The following GPC6 variants were observed in gnomAD, a reference collection of about 807,000 sequenced individuals.
GPC6 encodes the protein glypican-6.
GPC6 carries 14 observed loss-of-function variants against 55.2 expected under a neutral mutation model. The ratio of observed to expected loss-of-function variants is 0.25; its 90% CI spans 0.17 to 0.40. The LOEUF (loss-of-function observed/expected upper bound fraction) is 0.40. Among genes scored for constraint, GPC6 ranks in the 10% least tolerant of loss-of-function variants. The pLI is 1.00. For synonymous variants in GPC6, 278 were observed against 259.6 expected, an observed-to-expected ratio of 1.07 and a Z score of -0.68; for missense variants, 641 against 708.5, an observed-to-expected ratio of 0.90 and a Z score of 1.08.
chr13:93,412,870 C>T (rs940752944), intron 1 of GPC6, among the ~76,000 whole-genome samples: 1 of 152,256 alleles, frequency 6.6e-6, no homozygotes, highest in Admixed American at 6.5e-5. Context: ...ATCCTAGTGC[C>T]ACTTTTTACC....
intron 6 of GPC6, among the ~76,000 whole-genome samples, chr13:94,317,016 G>A (rs1876576288): frequency 6.6e-6 from 1 of 152,148 alleles, no homozygotes; most frequent in Admixed American, 6.5e-5. Flanking sequence ...TACAATATCA[G>A]TTAATTTCTG....
chr13:94,390,181 AT>A (rs1320438980), intron 7 of GPC6, among the ~76,000 whole-genome samples: 3 of 152,218 alleles, frequency 2.0e-5, no homozygotes, highest in Non-Finnish European at 2.9e-5. Flanking sequence ...ATGGAAGGAG[AT>A]GGAATGATGC....
intron 2 of GPC6, among the ~76,000 whole-genome samples, chr13:93,792,196 C>T (rs1419802649): frequency 6.6e-6 from 1 of 152,244 alleles, no homozygotes; most frequent in Non-Finnish European, 1.5e-5. Flanking sequence ...GATATTCTCA[C>T]CTCTCAGCGT....
chr13:93,695,203 T>G (rs184391787), intron 2 of GPC6, among the ~76,000 whole-genome samples: 63 of 152,224 alleles, frequency 4.1e-4, no homozygotes, highest in African/African-American at 1.5e-3. Context: ...CCTCCACTTT[T>G]TATTATAAAA....
rs1053209717 is a variant in GPC6 at position 93,453,721 on chromosome 13, C to T, written c.161-91542C>T. On this transcript the variant is annotated intron_variant, in intron 1 of 8. Coordinates refer to ENST00000377047, the MANE Select transcript of GPC6 (RefSeq NM_005708.5). ...TTAAGGCAGTGCGTCTGGAGTTGTT[C>T]GTTCCTCCCGGTGGGCTCGTGGTCT... Among the ~76,000 whole-genome samples, 57 of 151,592 alleles carry T rather than the reference C, an allele frequency of 3.8e-4. 1 individual carries two copies. The highest frequency in any genetic ancestry group is 6.6e-4 in the Admixed American group (10 of 15,214).
intron 6 of GPC6, among the ~76,000 whole-genome samples, chr13:94,376,675 C>T (rs1183853519): frequency 6.6e-6 from 1 of 152,012 alleles, no homozygotes; most frequent in East Asian, 1.9e-4. Context: ...CCAATGACTT[C>T]CTTCACAGAA....
At chr13:93,431,770 C>T (rs1040416025) in intron 1 of GPC6, among the ~76,000 whole-genome samples, 2 of 152,074 alleles carry the variant, frequency 1.3e-5, no homozygotes, top group African/African-American at 2.4e-5. Flanking sequence ...AGATGGACAA[C>T]GTTGGCTTTG....
chr13:93,636,961 G>A (rs540206572), intron 2 of GPC6, among the ~76,000 whole-genome samples: 2 of 150,466 alleles, frequency 1.3e-5, no homozygotes, highest in Admixed American at 1.3e-4. Context: ...TCTTAGTGGA[G>A]CACATTTTCA....
chr13:93,322,124 A>C (rs1253771262), intron 1 of GPC6, among the ~76,000 whole-genome samples: 1 of 152,198 alleles, frequency 6.6e-6, no homozygotes, highest in Non-Finnish European at 1.5e-5. Context: ...GAAAACGTTG[A>C]CTTGCTACCA....
chr13:93,678,385 G>A (rs1307928289), intron 2 of GPC6, among the ~76,000 whole-genome samples: 1 of 152,136 alleles, frequency 6.6e-6, no homozygotes, highest in East Asian at 1.9e-4. Flanking sequence ...ACACAATGTT[G>A]TATGTGAGCG....
chr13:94,100,313 T>C (rs1274435968), intron 4 of GPC6, among the ~76,000 whole-genome samples: 1 of 152,190 alleles, frequency 6.6e-6, no homozygotes, highest in Non-Finnish European at 1.5e-5. Context: ...AGTAGCTGTA[T>C]GAAATTTTTG....
At chr13:94,128,904 CT>C (rs1169958532) in intron 4 of GPC6, among the ~76,000 whole-genome samples, 2 of 152,108 alleles carry the variant, frequency 1.3e-5, no homozygotes, top group Non-Finnish European at 1.5e-5. Context: ...TCCATAACTA[CT>C]TTTTTCCACA....
At chr13:93,733,032 C>A (rs1413875184) in intron 2 of GPC6, among the ~76,000 whole-genome samples, 3 of 151,998 alleles carry the variant, frequency 2.0e-5, no homozygotes, top group Admixed American at 6.6e-5. Context: ...TTGCACAGGG[C>A]AGACTAAAGC....
Position 93,830,637 on chromosome 13 carries a change from AAC to A in GPC6, c.711+93_711+94del, listed in dbSNP as rs1491392916. 6 of 1,123,252 alleles carry A rather than the reference AAC, an allele frequency of 5.3e-6. No homozygotes were observed. In the African/African-American group the frequency reaches 6.5e-5, roughly 12 times the overall value. The allele number at this position is 1,123,252 out of a possible 1,614,324, so 69.6% of individuals were successfully genotyped here. A position where few individuals can be genotyped will look rare whatever the true frequency, so the allele number is the denominator to read the frequency against. ...TAAAAAAAAAAAAAAAAAAAAAAAA[AAC>A]CAAGGTAAAAATTCTTAATTGGTGG... On this transcript the variant is annotated intron_variant, in intron 3 of 8. Transcript: ENST00000377047.
intron 2 of GPC6, among the ~76,000 whole-genome samples, chr13:93,719,934 G>A (rs914991855): frequency 2.6e-5 from 4 of 151,982 alleles, no homozygotes; most frequent in Non-Finnish European, 1.5e-5. Flanking sequence ...GGATGAAGCC[G>A]ACTTGATCAT....
intron 3 of GPC6, among the ~76,000 whole-genome samples, chr13:93,883,242 T>C (rs138436011): frequency 0.024 from 3,639 of 150,696 alleles, 136 homozygotes; most frequent in African/African-American, 0.078. Flanking sequence ...CACCCAGAGA[T>C]AAATGGCTGG....
At chr13:93,423,543 T>A (rs1421016237) in intron 1 of GPC6, among the ~76,000 whole-genome samples, 1 of 152,224 alleles carries the variant, frequency 6.6e-6, no homozygotes, top group East Asian at 1.9e-4. Flanking sequence ...AAGTAATTTA[T>A]TGCTTTCAGT....
rs555246357 is a variant in GPC6 at position 93,529,106 on chromosome 13, C to T, written c.161-16157C>T. On this transcript the variant is annotated intron_variant, in intron 1 of 8. Coordinates refer to ENST00000377047, the MANE Select transcript of GPC6 (RefSeq NM_005708.5). ...CTACCATAAGACATATATATTGCATCCCAGTGCATATACAATATATACAAG... is the reference window on the plus strand; with the variant it reads ...CTACCATAAGACATATATATTGCATTCCAGTGCATATACAATATATACAAG... Among the ~76,000 whole-genome samples the T allele has an allele frequency of 1.0e-3, 153 of 152,206 alleles. 1 individual carries two copies. Among genetic ancestry groups the T allele is most frequent in the Non-Finnish European group, 1.9e-3 (132 of 68,006 alleles).
intron 2 of GPC6, among the ~76,000 whole-genome samples, chr13:93,570,144 TAAAG>T (rs1876333550): frequency 1.3e-5 from 2 of 152,196 alleles, no homozygotes; most frequent in South Asian, 2.1e-4. Flanking sequence ...CAGCTCATCC[TAAAG>T]AAAGATATTG....
Sources: allele counts gnomAD v4.1 joint callset (sites outside exome capture counted in the v4.1 genomes callset), GRCh38; gene constraint gnomAD v4.1.1; transcripts MANE v1.5; gene names NCBI Gene and HGNC (gene_info 2026-07-23, HGNC 2026-07-21).